Variants in CFAP299 observed in about 807,000 individuals in gnomAD.
CFAP299 encodes cilia and flagella associated protein 299, also known as cilia- and flagella-associated protein 299.
In CFAP299, 21 loss-of-function variants were observed where a neutral mutation model predicts 27.0. The ratio of observed to expected loss-of-function variants is 0.78; its 90% confidence interval spans 0.55 to 1.12. The LOEUF (loss-of-function observed/expected upper bound fraction) is 1.12. Ranked by LOEUF, CFAP299 falls within the 50% of genes most tolerant of loss-of-function variation. The pLI, the probability that CFAP299 is intolerant of heterozygous loss-of-function variation, is 0.00. For missense variants in CFAP299, 310 were observed against 276.6 expected (o/e 1.12, Z -0.86); for synonymous variants, 104 against 98.1 (o/e 1.06, Z -0.36).
chr4:80,762,905 C>T (rs1403922391), intron 3 of CFAP299, among the ~76,000 whole-genome samples: 1 of 152,186 alleles, frequency 6.6e-6, no homozygotes, highest in Non-Finnish European at 1.5e-5. Context: ...GCTGAGGCAG[C>T]TGATGTAACT....
intron 3 of CFAP299, among the ~76,000 whole-genome samples, chr4:80,842,668 A>G (rs1730928669): frequency 6.6e-6 from 1 of 152,178 alleles, no homozygotes; most frequent in Non-Finnish European, 1.5e-5. Flanking sequence ...GACACTTTTC[A>G]GCCAGCTGAA....
rs193302279 is a variant in CFAP299, at chr4:80,360,808, T to C, written c.112-1946T>C. 2.5e-3 allele frequency among the ~76,000 whole-genome samples: 381 copies of C among 152,320 alleles called. 3 individuals are homozygous for C. Among genetic ancestry groups the C allele is most frequent in the Non-Finnish European group, 4.1e-3 (277 of 68,026 alleles). On this transcript the variant is annotated intron_variant, in intron 1 of 5. Transcript: ENST00000358105. Reference sequence around the variant, plus strand: ...TCAAGTCCATCTACCTTATATTTGGTGGAAAATTCTTCTGGATTCTGTTTG... The same window carrying C: ...TCAAGTCCATCTACCTTATATTTGGCGGAAAATTCTTCTGGATTCTGTTTG...
chr4:80,941,541 C>G (rs1277502821), intron 4 of CFAP299, among the ~76,000 whole-genome samples: 1 of 152,162 alleles, frequency 6.6e-6, no homozygotes, highest in East Asian at 1.9e-4. Flanking sequence ...TCTCAACTAG[C>G]TCAACTATTT....
intron 3 of CFAP299, among the ~76,000 whole-genome samples, chr4:80,691,549 T>C (rs1191212825): frequency 6.6e-6 from 1 of 152,040 alleles, no homozygotes; most frequent in African/African-American, 2.4e-5. Flanking sequence ...TATTTCAAAA[T>C]AATAGGAGCT....
intron 2 of CFAP299, among the ~76,000 whole-genome samples, chr4:80,452,729 A>G (rs1330671294): frequency 6.6e-6 from 1 of 152,222 alleles, no homozygotes; most frequent in East Asian, 1.9e-4. Flanking sequence ...TTTGTTAAGC[A>G]GTAGAAATTG....
intron 4 of CFAP299, among the ~76,000 whole-genome samples, chr4:80,932,928 TA>T (rs914058190): frequency 5.3e-5 from 8 of 151,082 alleles, no homozygotes; most frequent in Admixed American, 1.3e-4. Flanking sequence ...CACAAAGATT[TA>T]AAAAAAAAGA....
the CFAP299 span, among the ~76,000 whole-genome samples, chr4:80,326,155 G>A: frequency 6.6e-6 from 1 of 152,040 alleles, no homozygotes; most frequent in Admixed American, 6.5e-5. Flanking sequence ...CCATCTGTAA[G>A]GTGTATGTGT....
intron 2 of CFAP299, among the ~76,000 whole-genome samples, chr4:80,436,206 TCTTA>T (rs543191940): frequency 1.2e-4 from 18 of 152,226 alleles, no homozygotes; most frequent in Admixed American, 2.6e-4. Context: ...TGGTAAGTTG[TCTTA>T]CTTCCCTTAA....
chr4:80,838,275 C>T (rs2110136812), intron 3 of CFAP299, among the ~76,000 whole-genome samples: 1 of 152,258 alleles, frequency 6.6e-6, no homozygotes, highest in South Asian at 2.1e-4. Flanking sequence ...AATTAGATCC[C>T]ATTTGTCAAT....
chr4:80,782,641 CATAT>C (rs1560749145), intron 3 of CFAP299, among the ~76,000 whole-genome samples: 7 of 105,890 alleles, frequency 6.6e-5, no homozygotes, highest in African/African-American at 1.4e-4. Context: ...ATATAATATA[CATAT>C]ATGAATATAT....
chr4:80,641,588 A>G (rs1739730713), intron 3 of CFAP299, among the ~76,000 whole-genome samples: 1 of 152,210 alleles, frequency 6.6e-6, no homozygotes, highest in African/African-American at 2.4e-5. Context: ...TTAGGTTAAC[A>G]ACTTTTACAG....
chr4:80,444,842 AC>A (rs1283468738), intron 2 of CFAP299, among the ~76,000 whole-genome samples: 1 of 152,114 alleles, frequency 6.6e-6, no homozygotes, highest in Non-Finnish European at 1.5e-5. Flanking sequence ...GAAAAAAACA[AC>A]CCCATCAACA....
At chr4:80,849,811 T>C (rs775449676) in intron 3 of CFAP299, among the ~76,000 whole-genome samples, 88 of 152,078 alleles carry the variant, frequency 5.8e-4, no homozygotes, top group Non-Finnish European at 1.1e-3. Context: ...TATTGCACAG[T>C]AGGGGGACTA....
At chr4:80,643,906 T>G (rs1477621543) in intron 3 of CFAP299, among the ~76,000 whole-genome samples, 3 of 152,180 alleles carry the variant, frequency 2.0e-5, no homozygotes, top group African/African-American at 7.2e-5. Flanking sequence ...TTCACAGACA[T>G]TTACAACATG....
At chr4:80,615,197 G>C (rs982207769) in intron 3 of CFAP299, among the ~76,000 whole-genome samples, 5 of 152,092 alleles carry the variant, frequency 3.3e-5, no homozygotes, top group African/African-American at 1.2e-4. Flanking sequence ...GAGCAAATTA[G>C]TTTAGTAGAC....
intron 2 of CFAP299, among the ~76,000 whole-genome samples, chr4:80,397,677 G>T (rs771783402): frequency 4.6e-5 from 7 of 152,022 alleles, no homozygotes; most frequent in Admixed American, 1.3e-4. Flanking sequence ...GGTATTGATG[G>T]GACATATCTC....
At chr4:80,662,411 GA>G (rs5859731) in intron 3 of CFAP299, among the ~76,000 whole-genome samples, 125,685 of 143,968 alleles carry the variant, frequency 0.87, 55,017 homozygotes, top group East Asian at 0.99. Context: ...AATTTCCCCC[GA>G]AAAAAAAAAA....
rs992867820 is a variant in CFAP299 at position 80,399,296 on chromosome 4, A to T, written c.242+36412A>T. The stretch of plus-strand genomic sequence containing the variant: ...AAGACAGTGTTGCGATTCCTCAAGG[A>T]TCTAGAACTAGAAATACCATTTGAC... On this transcript the variant is annotated intron_variant, in intron 2 of 5. Transcript: ENST00000358105. Among the ~76,000 whole-genome samples the T allele has an allele frequency of 3.9e-5, 6 of 152,276 alleles. No individual in the cohort carries two copies. In the East Asian group the frequency reaches 1.2e-3, roughly 29 times the overall value.
At chr4:80,439,075 G>A (rs561183671) in intron 2 of CFAP299, among the ~76,000 whole-genome samples, 3 of 152,256 alleles carry the variant, frequency 2.0e-5, no homozygotes, top group South Asian at 2.1e-4. Flanking sequence ...GTTGTCTAGC[G>A]AAGACACTAT....
Sources: gnomAD v4.1 joint callset for allele counts (sites outside exome capture counted in the v4.1 genomes callset) on GRCh38, gnomAD v4.1.1 for gene constraint, MANE v1.5 for transcripts, NCBI Gene and HGNC (gene_info 2026-07-23, HGNC 2026-07-21) for gene names.